The following RWDD2B variants were observed in gnomAD, a reference collection of about 807,000 sequenced individuals.
RWDD2B encodes the protein RWD domain-containing protein 2B.
Under a neutral mutation model 33.6 loss-of-function variants are expected in RWDD2B, and 36 were observed. That is an observed-to-expected ratio of 1.07 (90% CI 0.82 to 1.42). The LOEUF is 1.42. Ranked by LOEUF, RWDD2B falls within the 40% of genes most tolerant of loss-of-function variation. RWDD2B has a pLI of 0.00. For synonymous variants in RWDD2B, 126 were observed against 133.1 expected, an observed-to-expected ratio of 0.95 and a Z score of 0.37; for missense variants, 364 against 377.5, an observed-to-expected ratio of 0.96 and a Z score of 0.30.
chr21:29,010,614 T>TA (rs1460742730), intron 1 of RWDD2B, among the ~76,000 whole-genome samples: 3 of 113,336 alleles, frequency 2.6e-5, no homozygotes, highest in African/African-American at 1.3e-4. Context: ...TCTCAAAAAA[T>TA]AAAAATAAAA....
At chr21:29,018,810 G>GTAAGAGC (rs2084901867) in intron 1 of RWDD2B, among the ~76,000 whole-genome samples, 1 of 152,176 alleles carries the variant, frequency 6.6e-6, no homozygotes, top group Admixed American at 6.5e-5. Context: ...GGGTAACATA[G>GTAAGAGC]TAAGAGCTCG....
rs1316578467 is a variant in RWDD2B, at chr21:29,006,781, T to C, written c.726-130A>G. On this transcript the variant is annotated intron_variant, in intron 4 of 4. Transcript: ENST00000493196. ...CTACTTTTTAAAATGTTTATAACTT[T>C]TACTTATTGATTTAGTAGAGGCAGG... is the stretch of plus-strand genomic sequence containing the variant. The C allele has an allele frequency of 6.3e-6, 4 of 632,618 alleles. No homozygotes were observed. The East Asian group carries it at 1.1e-4, about 18-fold the overall frequency. The allele number at this position is 632,618 out of a possible 1,614,324, so 39.2% of individuals were successfully genotyped here. A position where few individuals can be genotyped will look rare whatever the true frequency, so the allele number is the denominator to read the frequency against.
At chr21:29,010,808 C>A (rs2084853927) in intron 1 of RWDD2B, among the ~76,000 whole-genome samples, 1 of 150,150 alleles carries the variant, frequency 6.7e-6, no homozygotes, top group South Asian at 2.1e-4. Context: ...CCTGCGATTG[C>A]AGGCGCGCGC....
Position 29,007,953 on chromosome 21 carries a change from C to T in RWDD2B, c.533G>A (p.Ser178Asn), listed in dbSNP as rs781338703. 2 of 1,614,206 alleles carry T rather than the reference C, an allele frequency of 1.2e-6. No individual in the cohort carries two copies. The highest frequency in any genetic ancestry group is 1.7e-6 in the Non-Finnish European group (2 of 1,180,036). ...GATGAGGTCAACTGACTGGACTGTG[C>T]TTCCTGTGGTGGGTGAAGATGAAGT... is the stretch of plus-strand genomic sequence containing the variant. ...RDTSSSPTTGSTVQSVDLIFT... is the reference protein window; with the variant it reads ...RDTSSSPTTGNTVQSVDLIFT... Residue 178 changes from serine to asparagine, a missense_variant, in exon 4 of 5, where the codon AGC becomes AAC. Ser to Asn is a conservative substitution (Grantham distance 46). Transcript: ENST00000493196.
chr21:29,017,764 AAG>A (rs2084897432), intron 1 of RWDD2B, among the ~76,000 whole-genome samples: 1 of 152,172 alleles, frequency 6.6e-6, no homozygotes, highest in African/African-American at 2.4e-5. Flanking sequence ...GACTGTAGGG[AAG>A]AGACTTTAAG....
Position 29,012,007 on chromosome 21 carries a change from G to A in RWDD2B, c.68-3386C>T, listed in dbSNP as rs1190071629. Among the ~76,000 whole-genome samples, 9 of 133,562 alleles carry A rather than the reference G, an allele frequency of 6.7e-5. 1 individual carries two copies. The highest frequency in any genetic ancestry group is 2.0e-4 in the African/African-American group (7 of 35,052). 87.6% of individuals were successfully genotyped at this position (133,562 alleles called of 152,430 possible). A position where few individuals can be genotyped will look rare whatever the true frequency, so the allele number is the denominator to read the frequency against. The stretch of plus-strand genomic sequence containing the variant: ...AGGGAGGTGGGGGGGTCAGCCCCCC[G>A]CCCGGCCAGCCGCCCTGTCCGGGAG... On this transcript the variant is annotated intron_variant, in intron 1 of 4. Transcript: ENST00000493196.
chr21:29,018,541 A>T (rs1286400186), intron 1 of RWDD2B, among the ~76,000 whole-genome samples: 1 of 152,230 alleles, frequency 6.6e-6, no homozygotes. Flanking sequence ...GGGATTAGCA[A>T]AGAAGAACGG....
At chr21:29,018,522 A>G (rs1382820369) in intron 1 of RWDD2B, among the ~76,000 whole-genome samples, 1 of 152,244 alleles carries the variant, frequency 6.6e-6, no homozygotes, top group African/African-American at 2.4e-5. Flanking sequence ...GAGGTATCGA[A>G]GATGAAATGG....
rs138565932 is a variant in RWDD2B, at chr21:29,019,217, C to T, written c.61G>A (p.Ala21Thr). The change falls in exon 1 of 5, where the codon GCT (alanine) becomes ACT (threonine). Residue 21 changes from alanine to threonine, a missense_variant. Physicochemically the swap from Ala to Thr is moderately conservative, Grantham distance 58. Transcript: ENST00000493196. ...NPGYSSEGAT[A>T]QETYTCPKMI... ...TAGCTGAGGCGAGACTCACCTTGAG[C>T]CGTGGCCCCCTCACTGCTGTAACCC... The T allele has an allele frequency of 3.4e-5, 54 of 1,600,084 alleles. No individual in the cohort carries two copies. Among genetic ancestry groups the T allele is most frequent in the Non-Finnish European group, 4.3e-5 (51 of 1,174,354 alleles).
intron 1 of RWDD2B, among the ~76,000 whole-genome samples, chr21:29,013,428 G>A (rs931927835): frequency 6.6e-6 from 1 of 152,028 alleles, no homozygotes; most frequent in Admixed American, 6.6e-5. Flanking sequence ...GGTAGCTCAC[G>A]CCTGTAATCC....
intron 1 of RWDD2B, among the ~76,000 whole-genome samples, chr21:29,011,904 C>T (rs1377057519): frequency 8.0e-6 from 1 of 125,076 alleles, no homozygotes; most frequent in Non-Finnish European, 1.7e-5. Context: ...GGGGGTCAGC[C>T]CCCCGCCTGG....
chr21:29,004,995 T>C lies in RWDD2B; in HGVS notation c.*1422A>G, dbSNP rs762469079. 3 of 152,212 alleles carry C rather than the reference T, an allele frequency of 2.0e-5. No individual in the cohort carries two copies. The highest frequency in any genetic ancestry group is 4.4e-5 in the Non-Finnish European group (3 of 68,046). 9.4% of individuals were successfully genotyped at this position (152,212 alleles called of 1,614,324 possible). A position where few individuals can be genotyped will look rare whatever the true frequency, so the allele number is the denominator to read the frequency against. On this transcript the variant is annotated 3_prime_UTR_variant, in exon 5 of 5. Coordinates refer to ENST00000493196, the MANE Select transcript of RWDD2B (RefSeq NM_016940.3). ...ACCAAGTCTGACTGGTCAAGAAATA[T>C]CCAACACCTGGTATCAACCTGCATC... is the stretch of plus-strand genomic sequence containing the variant.
At chr21:29,016,574 T>A (rs1470767499) in intron 1 of RWDD2B, among the ~76,000 whole-genome samples, 1 of 151,878 alleles carries the variant, frequency 6.6e-6, no homozygotes, top group Non-Finnish European at 1.5e-5. Context: ...TTTTTTTTTT[T>A]AAACAAAATC....
rs369290270 is a variant in RWDD2B, at chr21:29,008,236, G to A, written c.362+4C>T. 8.1e-5 allele frequency: 131 copies of A among 1,613,780 alleles called. 1 individual carries two copies. The East Asian group carries it at 1.6e-3, about 20-fold the overall frequency. ...CAAAGTTGGCCAGAGCTTCTGTAACGTACCTGACAGTAATTTCAGGCAGAA... is the reference window on the plus strand; with the variant it reads ...CAAAGTTGGCCAGAGCTTCTGTAACATACCTGACAGTAATTTCAGGCAGAA... On this transcript the variant is annotated splice_donor_region_variant and intron_variant, in intron 3 of 4. Transcript: ENST00000493196.
chr21:29,016,710 T>G (rs2146341731), intron 1 of RWDD2B, among the ~76,000 whole-genome samples: 1 of 152,302 alleles, frequency 6.6e-6, no homozygotes, highest in Non-Finnish European at 1.5e-5. Context: ...GTTTACTTTG[T>G]TTTTTTGTTG....
At position 29,019,209 on chromosome 21, in the gene RWDD2B, A is replaced by T. The variant is rs2084903999; in HGVS notation, c.67+2T>A. The T allele has an allele frequency of 6.3e-7, 1 of 1,597,218 alleles. No homozygotes were observed. Reference sequence around the variant, plus strand: ...ACTGGCGCTAGCTGAGGCGAGACTCACCTTGAGCCGTGGCCCCCTCACTGC... The same window carrying T: ...ACTGGCGCTAGCTGAGGCGAGACTCTCCTTGAGCCGTGGCCCCCTCACTGC... On this transcript the variant is annotated splice_donor_variant, in intron 1 of 4. Coordinates refer to ENST00000493196, the MANE Select transcript of RWDD2B (RefSeq NM_016940.3). LOFTEE classifies it high-confidence loss of function.
At chr21:29,017,485 G>A (rs553616312) in intron 1 of RWDD2B, among the ~76,000 whole-genome samples, 49 of 152,034 alleles carry the variant, frequency 3.2e-4, no homozygotes, top group Middle Eastern at 3.4e-3. Flanking sequence ...GGTCGCCCAC[G>A]CCTGTAGTCC....
At chr21:29,006,728 T>C (rs1221702669) in intron 4 of RWDD2B, 77 bp from the exon 5 acceptor site, 2 of 798,246 alleles carry the variant, frequency 2.5e-6, no homozygotes, top group East Asian at 5.3e-5. Flanking sequence ...ATAAAACAGA[T>C]TTATCAATGC....
chr21:29,015,042 G>A (rs919346265), intron 1 of RWDD2B, among the ~76,000 whole-genome samples: 1 of 151,606 alleles, frequency 6.6e-6, no homozygotes, highest in Admixed American at 6.6e-5. Context: ...GCAGTATTCT[G>A]GCTTAACAGG....
Sources: gnomAD v4.1 joint callset for allele counts (sites outside exome capture counted in the v4.1 genomes callset) on GRCh38, gnomAD v4.1.1 for gene constraint, MANE v1.5 for transcripts, NCBI Gene and HGNC (gene_info 2026-07-23, HGNC 2026-07-21) for gene names.